SUGCT: variants seen among roughly 807,000 people sequenced by gnomAD.
The protein encoded by SUGCT is succinyl-CoA:glutarate CoA-transferase.
SUGCT carries 41 observed loss-of-function variants against 55.0 expected under a neutral mutation model. The observed-to-expected ratio is 0.74, with a 90% CI of 0.58 to 0.97. The LOEUF is 0.97. Ranked by LOEUF, SUGCT falls within the 50% of genes least tolerant of loss-of-function variation. The pLI, the probability that SUGCT is intolerant of heterozygous loss-of-function variation, is 0.00. For missense variants in SUGCT, 568 were observed against 547.8 expected, an observed-to-expected ratio of 1.04 and a Z score of -0.37; for synonymous variants, 187 against 200.4, an observed-to-expected ratio of 0.93 and a Z score of 0.56.
At chr7:40,865,975 A>G in the SUGCT span, among the ~76,000 whole-genome samples, 5 of 152,034 alleles carry the variant, frequency 3.3e-5, no homozygotes, top group African/African-American at 1.2e-4. Flanking sequence ...GATTAACCAC[A>G]TGACAGTCCT....
At chr7:40,750,140 C>T (rs972018408) in intron 13 of SUGCT, among the ~76,000 whole-genome samples, 3 of 152,200 alleles carry the variant, frequency 2.0e-5, no homozygotes, top group African/African-American at 7.2e-5. Flanking sequence ...CTCAAAGCAT[C>T]CTCTTAAGTG....
intron 12 of SUGCT, among the ~76,000 whole-genome samples, chr7:40,722,775 T>C (rs1365808733): frequency 2.0e-5 from 3 of 152,216 alleles, no homozygotes; most frequent in Admixed American, 6.5e-5. Flanking sequence ...TGTTGTCTTA[T>C]CATATCTTTT....
intron 9 of SUGCT, among the ~76,000 whole-genome samples, chr7:40,345,954 T>G (rs1199527689): frequency 1.6e-4 from 23 of 147,796 alleles, no homozygotes; most frequent in Admixed American, 1.5e-3. Flanking sequence ...TTTGTTTTTG[T>G]TTTTTTTTAT....
intron 13 of SUGCT, among the ~76,000 whole-genome samples, chr7:40,795,444 A>G (rs981513131): frequency 6.6e-6 from 1 of 152,200 alleles, no homozygotes; most frequent in Non-Finnish European, 1.5e-5. Flanking sequence ...TCCTAAAAAC[A>G]GCTAAATAGG....
At chr7:41,020,719 C>T in the SUGCT span, among the ~76,000 whole-genome samples, 523 of 152,278 alleles carry the variant, frequency 3.4e-3, 1 homozygote, top group African/African-American at 0.012. Flanking sequence ...GTTCTAGCAA[C>T]GTGGAGGGCT....
intron 13 of SUGCT, among the ~76,000 whole-genome samples, chr7:40,800,308 G>T (rs1273485263): frequency 1.4e-5 from 2 of 141,394 alleles, no homozygotes; most frequent in African/African-American, 5.2e-5. Context: ...TTTTTTTTGA[G>T]ACAAAGTTTC....
At chr7:40,379,972 A>G (rs1784791244) in intron 9 of SUGCT, among the ~76,000 whole-genome samples, 1 of 152,184 alleles carries the variant, frequency 6.6e-6, no homozygotes, top group Middle Eastern at 3.2e-3. Flanking sequence ...TACCCCAAAT[A>G]TTATCCACTG....
At chr7:40,748,819 A>T (rs767158783) in intron 12 of SUGCT, among the ~76,000 whole-genome samples, 54 of 152,164 alleles carry the variant, frequency 3.5e-4, no homozygotes, top group Non-Finnish European at 6.6e-4. Context: ...ACCATTGAAA[A>T]TGTTCCTGGT....
At chr7:40,475,883 A>G (rs1790638765) in intron 11 of SUGCT, among the ~76,000 whole-genome samples, 1 of 152,190 alleles carries the variant, frequency 6.6e-6, no homozygotes, top group Non-Finnish European at 1.5e-5. Flanking sequence ...TAAGTCTATC[A>G]AATTATCTAT....
chr7:40,157,931 A>G (rs1783974336), intron 1 of SUGCT, among the ~76,000 whole-genome samples: 1 of 152,228 alleles, frequency 6.6e-6, no homozygotes, highest in East Asian at 1.9e-4. Context: ...TTTTGGGGCC[A>G]GGCACAGTTG....
At chr7:40,249,154 G>T (rs1413865006) in intron 7 of SUGCT, among the ~76,000 whole-genome samples, 1 of 150,854 alleles carries the variant, frequency 6.6e-6, no homozygotes, top group Non-Finnish European at 1.5e-5. Flanking sequence ...TTGCCAGGTG[G>T]TGTGGCATGA....
chr7:40,537,699 A>G (rs1794442513), intron 12 of SUGCT, among the ~76,000 whole-genome samples: 1 of 152,238 alleles, frequency 6.6e-6, no homozygotes, highest in African/African-American at 2.4e-5. Context: ...TTTTAATGAA[A>G]TGTAATCCAA....
chr7:40,518,567 C>T (rs1330503604), intron 12 of SUGCT, among the ~76,000 whole-genome samples: 1 of 152,042 alleles, frequency 6.6e-6, no homozygotes, highest in Non-Finnish European at 1.5e-5. Flanking sequence ...GTTATGCATG[C>T]ATTAATTAGT....
At chr7:40,941,034 T>G in the SUGCT span, among the ~76,000 whole-genome samples, 1 of 152,034 alleles carries the variant, frequency 6.6e-6, no homozygotes, top group Non-Finnish European at 1.5e-5. Context: ...TTGATATTTT[T>G]GGGTATGTTC....
chr7:40,271,976 C>T (rs1792047969), intron 7 of SUGCT, among the ~76,000 whole-genome samples: 1 of 150,996 alleles, frequency 6.6e-6, no homozygotes, highest in African/African-American at 2.4e-5. Flanking sequence ...ATAATGTCCT[C>T]CAGTGACATC....
At chr7:40,265,203 G>A (rs566799132) in intron 7 of SUGCT, among the ~76,000 whole-genome samples, 1 of 152,118 alleles carries the variant, frequency 6.6e-6, no homozygotes. Context: ...TACAACATAG[G>A]GACACATACA....
the SUGCT span, among the ~76,000 whole-genome samples, chr7:40,979,141 C>A: frequency 6.6e-6 from 1 of 152,260 alleles, no homozygotes; most frequent in Admixed American, 6.5e-5. Context: ...AGCCCCATAT[C>A]TGTGAGGAGA....
At chr7:40,642,217 G>A (rs896417687) in intron 12 of SUGCT, among the ~76,000 whole-genome samples, 3 of 152,100 alleles carry the variant, frequency 2.0e-5, no homozygotes, top group Admixed American at 1.3e-4. Context: ...ATTATGAAGG[G>A]GATAATAGAA....
the SUGCT span, among the ~76,000 whole-genome samples, chr7:40,983,036 C>T: frequency 1.3e-5 from 2 of 152,218 alleles, no homozygotes; most frequent in African/African-American, 4.8e-5. Context: ...ATGTCAAGAA[C>T]TACTGTCTTA....
Sources: gnomAD v4.1 joint callset for allele counts (sites outside exome capture counted in the v4.1 genomes callset) on GRCh38, gnomAD v4.1.1 for gene constraint, MANE v1.5 for transcripts, NCBI Gene and HGNC (gene_info 2026-07-23, HGNC 2026-07-21) for gene names.